The following CDH12 variants were observed in gnomAD, a reference collection of about 807,000 sequenced individuals.
CDH12 encodes the protein cadherin-12.
A neutral mutation model predicts 74.1 loss-of-function variants in CDH12; 41 were observed. That is an observed-to-expected ratio of 0.55 (90% CI 0.43 to 0.72). The LOEUF (loss-of-function observed/expected upper bound fraction) is 0.72. Ranked by LOEUF, CDH12 falls within the 30% of genes least tolerant of loss-of-function variation. The probability of loss-of-function intolerance (pLI) is 0.00; values close to 1 mark genes in which losing one functional copy is unlikely to be tolerated. For missense variants in CDH12, 945 were observed against 977.2 expected, an observed-to-expected ratio of 0.97 and a Z score of 0.44; for synonymous variants, 399 against 355.0, an observed-to-expected ratio of 1.12 and a Z score of -1.39.
intron 2 of CDH12, among the ~76,000 whole-genome samples, chr5:22,432,014 T>G (rs1321616967): frequency 6.6e-6 from 1 of 152,150 alleles, no homozygotes; most frequent in African/African-American, 2.4e-5. Flanking sequence ...GCGTTCAAAT[T>G]CACTCACCCT....
Position 22,679,898 on chromosome 5 carries a change from C to T in CDH12, c.-523+173160G>A, listed in dbSNP as rs80334790. ...ACACTTAAAGTAAAATCTTTTTCTG[C>T]GTTTGCTATGTAGAGGTCTGATATA... On this transcript the variant is annotated intron_variant, in intron 1 of 14. Coordinates refer to ENST00000382254, the MANE Select transcript of CDH12 (RefSeq NM_004061.5). Among the ~76,000 whole-genome samples, 30 of 152,154 alleles carry T rather than the reference C, an allele frequency of 2.0e-4. No individual in the cohort carries two copies. In the East Asian group the frequency reaches 4.2e-3, roughly 22 times the overall value.
intron 3 of CDH12, among the ~76,000 whole-genome samples, chr5:22,267,996 G>C (rs898040518): frequency 1.3e-5 from 2 of 152,010 alleles, no homozygotes; most frequent in African/African-American, 4.8e-5. Flanking sequence ...GCTTACATAA[G>C]ATCAATTCAG....
Position 22,821,921 on chromosome 5 carries a change from C to G in CDH12, c.-523+31137G>C, listed in dbSNP as rs937036002. 1.9e-3 allele frequency among the ~76,000 whole-genome samples: 292 copies of G among 151,830 alleles called. 7 individuals carry two copies. Among genetic ancestry groups the G allele is most frequent in the South Asian group, 1.3e-3 (6 of 4,800 alleles). ...GGAACCAAAAAAGAGCCTGCATTGC[C>G]AAGTCAATCCTAAGCCAAAAGAACA... On this transcript the variant is annotated intron_variant, in intron 1 of 14. Transcript: ENST00000382254.
chr5:22,066,369 T>C (rs1393443190), intron 5 of CDH12, among the ~76,000 whole-genome samples: 4 of 152,122 alleles, frequency 2.6e-5, no homozygotes, highest in Non-Finnish European at 1.5e-5. Flanking sequence ...AGGGTGACTG[T>C]ACTTTGGGGA....
intron 1 of CDH12, among the ~76,000 whole-genome samples, chr5:22,528,554 T>C (rs1011507308): frequency 1.3e-5 from 2 of 152,152 alleles, no homozygotes; most frequent in African/African-American, 2.4e-5. Context: ...GGCTAGAGGA[T>C]AATGGACTCC....
intron 4 of CDH12, among the ~76,000 whole-genome samples, chr5:22,153,748 A>G (rs1300565764): frequency 6.7e-6 from 1 of 149,222 alleles, no homozygotes; most frequent in African/African-American, 2.5e-5. Context: ...TAATTAAAAC[A>G]TGTTCATTGC....
At chr5:21,779,057 T>C (rs775623318) in intron 11 of CDH12, among the ~76,000 whole-genome samples, 7 of 152,124 alleles carry the variant, frequency 4.6e-5, no homozygotes, top group Non-Finnish European at 1.0e-4. Flanking sequence ...TTTTAACTTA[T>C]TCCACAATAA....
intron 1 of CDH12, among the ~76,000 whole-genome samples, chr5:22,738,103 A>T (rs543149694): frequency 1.4e-4 from 21 of 151,722 alleles, no homozygotes; most frequent in Non-Finnish European, 3.1e-4. Flanking sequence ...TAAAACCTTG[A>T]GTAGCTGGAA....
intron 1 of CDH12, among the ~76,000 whole-genome samples, chr5:22,540,965 T>C (rs922017660): frequency 2.0e-5 from 3 of 152,236 alleles, no homozygotes; most frequent in Non-Finnish European, 4.4e-5. Flanking sequence ...TATTTCTCTG[T>C]TGAGATGTAG....
intron 3 of CDH12, among the ~76,000 whole-genome samples, chr5:22,376,568 G>A (rs896005315): frequency 1.3e-5 from 2 of 151,974 alleles, no homozygotes; most frequent in African/African-American, 4.8e-5. Flanking sequence ...GTCTCACTCT[G>A]TCATCCAGGC....
At chr5:22,464,034 A>G (rs746871038) in intron 2 of CDH12, among the ~76,000 whole-genome samples, 1 of 152,134 alleles carries the variant, frequency 6.6e-6, no homozygotes, top group African/African-American at 2.4e-5. Flanking sequence ...CTTGGGAGGA[A>G]CCCCATGGGA....
At chr5:21,878,833 AAAAG>A (rs1247120945) in intron 6 of CDH12, among the ~76,000 whole-genome samples, 3 of 150,870 alleles carry the variant, frequency 2.0e-5, no homozygotes, top group East Asian at 3.9e-4. Flanking sequence ...AAAAGAAAAG[AAAAG>A]AAAGAGAGGG....
intron 3 of CDH12, among the ~76,000 whole-genome samples, chr5:22,229,137 C>CTT (rs1238818727): frequency 1.4e-5 from 2 of 139,644 alleles, no homozygotes; most frequent in African/African-American, 5.2e-5. Context: ...AATCCTTTTT[C>CTT]TTTTTTTTTT....
chr5:22,724,270 G>A (rs1007793358), intron 1 of CDH12, among the ~76,000 whole-genome samples: 16 of 151,610 alleles, frequency 1.1e-4, no homozygotes, highest in Non-Finnish European at 2.4e-4. Context: ...TGGGGTACAG[G>A]TGAGTTTGTG....
intron 3 of CDH12, among the ~76,000 whole-genome samples, chr5:22,390,657 T>G (rs1369230219): frequency 6.6e-6 from 1 of 152,078 alleles, no homozygotes; most frequent in Non-Finnish European, 1.5e-5. Context: ...TTTAACTGGT[T>G]TAACAAAATC....
intron 5 of CDH12, among the ~76,000 whole-genome samples, chr5:22,062,923 G>A (rs1383298452): frequency 6.6e-6 from 1 of 152,012 alleles, no homozygotes; most frequent in East Asian, 1.9e-4. Flanking sequence ...AAAGTAAACT[G>A]CATGATGAAA....
intron 2 of CDH12, among the ~76,000 whole-genome samples, chr5:22,492,164 G>A (rs569271385): frequency 9.2e-5 from 14 of 151,946 alleles, no homozygotes; most frequent in South Asian, 4.2e-4. Flanking sequence ...AGATAACAGC[G>A]CCCTGGAGAA....
At chr5:22,097,737 A>G (rs1245920863) in intron 4 of CDH12, among the ~76,000 whole-genome samples, 3 of 151,948 alleles carry the variant, frequency 2.0e-5, no homozygotes, top group Admixed American at 2.0e-4. Flanking sequence ...CCACAAGTAT[A>G]AGACACCTCT....
chr5:22,639,069 A>C (rs1738998454), intron 1 of CDH12: 1 of 71,614 alleles, frequency 1.4e-5, no homozygotes. Context: ...AAAAAAAAAA[A>C]AAAAAAAAAA....
Sources: allele counts gnomAD v4.1 joint callset (sites outside exome capture counted in the v4.1 genomes callset), GRCh38; gene constraint gnomAD v4.1.1; transcripts MANE v1.5; gene names NCBI Gene and HGNC (gene_info 2026-07-23, HGNC 2026-07-21).